The following DOCK10 variants were observed in gnomAD, a reference collection of about 807,000 sequenced individuals.
The protein encoded by DOCK10 is dedicator of cytokinesis protein 10.
DOCK10 carries 145 observed loss-of-function variants against 280.1 expected under a neutral mutation model. The observed-to-expected ratio is 0.52, with a 90% CI of 0.45 to 0.59. The LOEUF is 0.59. Among genes scored for constraint, DOCK10 ranks in the 20% least tolerant of loss-of-function variants. The pLI, the probability that DOCK10 is intolerant of heterozygous loss-of-function variation, is 0.00. For missense variants in DOCK10, 2,368 were observed against 2,651.7 expected, an observed-to-expected ratio of 0.89 and a Z score of 2.35; for synonymous variants, 915 against 942.2, an observed-to-expected ratio of 0.97 and a Z score of 0.53.
chr2:224,939,269 C>T (rs1702875037), intron 1 of DOCK10, among the ~76,000 whole-genome samples: 2 of 152,250 alleles, frequency 1.3e-5, no homozygotes, highest in African/African-American at 2.4e-5. Context: ...ATTTTGTTAA[C>T]CCTTAATTTC....
intron 1 of DOCK10, among the ~76,000 whole-genome samples, chr2:225,006,263 ATTCTTGTCT>A (rs1018577556): frequency 2.0e-5 from 3 of 152,026 alleles, no homozygotes; most frequent in Non-Finnish European, 4.4e-5. Context: ...CCTAACTGCA[ATTCTTGTCT>A]TTTTTAGATT....
At chr2:224,771,133 G>A (rs1004748217) in intron 53 of DOCK10, among the ~76,000 whole-genome samples, 4 of 151,650 alleles carry the variant, frequency 2.6e-5, no homozygotes, top group Non-Finnish European at 2.9e-5. Context: ...ACGGGGGAAG[G>A]GGGGCGGTCT....
At chr2:225,010,877 C>T (rs1689414937) in intron 1 of DOCK10, among the ~76,000 whole-genome samples, 2 of 152,170 alleles carry the variant, frequency 1.3e-5, no homozygotes, top group Non-Finnish European at 2.9e-5. Flanking sequence ...AACGGCACAG[C>T]AAGGACATAC....
At chr2:224,906,775 G>A (rs545052766) in intron 3 of DOCK10, among the ~76,000 whole-genome samples, 54 of 152,302 alleles carry the variant, frequency 3.5e-4, no homozygotes, top group African/African-American at 1.2e-3. Context: ...CACCGCACCC[G>A]GCCTTGTTTA....
At chr2:224,880,467 G>A (rs1698915195) in intron 7 of DOCK10, among the ~76,000 whole-genome samples, 1 of 152,178 alleles carries the variant, frequency 6.6e-6, no homozygotes, top group Non-Finnish European at 1.5e-5. Context: ...TAATTTTGAA[G>A]TATGATTGTT....
chr2:224,928,458 T>C (rs1272697084), intron 2 of DOCK10, among the ~76,000 whole-genome samples: 1 of 152,216 alleles, frequency 6.6e-6, no homozygotes, highest in Non-Finnish European at 1.5e-5. Context: ...ATCATCTTTT[T>C]TTCCCTAAGC....
At chr2:225,014,328 C>T (rs1203846885) in intron 1 of DOCK10, among the ~76,000 whole-genome samples, 8 of 151,590 alleles carry the variant, frequency 5.3e-5, no homozygotes, top group Admixed American at 5.3e-4. Flanking sequence ...TTGGGTGTTT[C>T]TGTGTTGAGA....
At chr2:224,851,447 C>CTTTT (rs34157478) in intron 18 of DOCK10, among the ~76,000 whole-genome samples, 1 of 116,828 alleles carries the variant, frequency 8.6e-6, no homozygotes, top group Non-Finnish European at 1.9e-5. Flanking sequence ...TCAAGACCTT[C>CTTTT]TTTTTTTTTT....
intron 1 of DOCK10, among the ~76,000 whole-genome samples, chr2:224,967,794 G>C (rs1704862250): frequency 6.6e-6 from 1 of 151,410 alleles, no homozygotes; most frequent in African/African-American, 2.4e-5. Context: ...TCTGAGAGGA[G>C]TGTGGGACTA....
chr2:224,945,335 G>T (rs1392658508), intron 1 of DOCK10, among the ~76,000 whole-genome samples: 1 of 152,150 alleles, frequency 6.6e-6, no homozygotes, highest in African/African-American at 2.4e-5. Flanking sequence ...GGAGGAAGTG[G>T]TTAGGTCCAG....
chr2:224,833,102 C>T lies in DOCK10; in HGVS notation c.2964+1048G>A, dbSNP rs897135915. 4.5e-4 allele frequency among the ~76,000 whole-genome samples: 68 copies of T among 152,342 alleles called. 1 individual carries two copies. The highest frequency in any genetic ancestry group is 3.9e-3 in the Admixed American group (60 of 15,304). The stretch of plus-strand genomic sequence containing the variant: ...GGATCCTGCTTCTCTGATAGCCCCT[C>T]AAGTGGTTGTGGTCTCCATTTTTAT... On this transcript the variant is annotated intron_variant, in intron 26 of 55. Coordinates refer to ENST00000258390, the MANE Select transcript of DOCK10 (RefSeq NM_014689.3).
rs368996560 is a variant in DOCK10, at chr2:224,943,411, T to C, written c.124-11743A>G. Among the ~76,000 whole-genome samples the C allele has an allele frequency of 2.6e-5, 4 of 152,202 alleles. No homozygotes were observed. The East Asian group carries it at 5.8e-4, about 22-fold the overall frequency. ...AAGAGGGTATAAAATCTGGGTTGCATAATTCTTAGGAAGTCACAGAGCTCT... is the reference window on the plus strand; with the variant it reads ...AAGAGGGTATAAAATCTGGGTTGCACAATTCTTAGGAAGTCACAGAGCTCT... On this transcript the variant is annotated intron_variant, in intron 1 of 55. Transcript: ENST00000258390.
intron 1 of DOCK10, among the ~76,000 whole-genome samples, chr2:225,021,913 C>T (rs1689793074): frequency 6.6e-6 from 1 of 152,172 alleles, no homozygotes; most frequent in African/African-American, 2.4e-5. Context: ...GGGACCCATA[C>T]ATTAAAGAAT....
chr2:224,873,917 G>A, intron 11 of DOCK10, 79 bp downstream of exon 11: 1 of 1,432,012 alleles, frequency 7.0e-7, no homozygotes, highest in Non-Finnish European at 9.4e-7. Flanking sequence ...CCTGGAATTA[G>A]CAGGAATAGA....
At position 224,844,762 on chromosome 2, in the gene DOCK10, T is replaced by C. The variant is rs1183230652; in HGVS notation, c.2559A>G (p.Val853=). The change falls in exon 22 of 56, where the codon GTA becomes GTG. Residue 853 remains valine (V), a synonymous_variant. Transcript: ENST00000258390. ...FKVSTFVVST[V]NTQDPHVNAF... ...AGGTCAACATACTCACCTGAGTATT[T>C]ACTGTTGATACAACAAATGTCGACA... 6.3e-7 allele frequency: 1 copy of C among 1,592,380 alleles called. No individual in the cohort carries two copies. Among genetic ancestry groups the C allele is most frequent in the Non-Finnish European group, 8.6e-7 (1 of 1,167,528 alleles).
At chr2:225,035,567 T>C (rs1370067066) in intron 1 of DOCK10, among the ~76,000 whole-genome samples, 1 of 53,680 alleles carries the variant, frequency 1.9e-5, no homozygotes, top group East Asian at 6.1e-4. Flanking sequence ...TATATATATA[T>C]ATATATATAT....
chr2:224,816,583 C>T (rs1202169880), intron 30 of DOCK10, 34 bp downstream of exon 30: 1 of 1,216,004 alleles, frequency 8.2e-7, no homozygotes, highest in Non-Finnish European at 1.2e-6. Context: ...ATTCACTTTG[C>T]AGGAACTGAG....
intron 3 of DOCK10, among the ~76,000 whole-genome samples, chr2:224,912,529 T>C (rs564960672): frequency 6.6e-6 from 1 of 152,286 alleles, no homozygotes; most frequent in Admixed American, 6.5e-5. Flanking sequence ...CAGAAGAGAA[T>C]TATATAAGTT....
chr2:225,029,846 G>C (rs34205806), intron 1 of DOCK10, among the ~76,000 whole-genome samples: 1 of 151,924 alleles, frequency 6.6e-6, no homozygotes, highest in Admixed American at 6.6e-5. Flanking sequence ...CAAAAGCTTA[G>C]AAAATACAGA....
Sources: allele counts gnomAD v4.1 joint callset (sites outside exome capture counted in the v4.1 genomes callset), GRCh38; gene constraint gnomAD v4.1.1; transcripts MANE v1.5; gene names NCBI Gene and HGNC (gene_info 2026-07-23, HGNC 2026-07-21).